The following SLC35F1 variants were observed in gnomAD, a reference collection of about 807,000 sequenced individuals.
SLC35F1 encodes chromosome 6 open reading frame 169.
SLC35F1 carries 14 observed loss-of-function variants against 48.7 expected under a neutral mutation model. The ratio of observed to expected loss-of-function variants is 0.29; its 90% CI spans 0.19 to 0.45. The LOEUF is 0.45. Among genes scored for constraint, SLC35F1 ranks in the 20% least tolerant of loss-of-function variants. The probability of loss-of-function intolerance (pLI) is 1.00; values close to 1 mark genes in which losing one functional copy is unlikely to be tolerated. For synonymous variants in SLC35F1, 190 were observed against 202.2 expected (o/e 0.94, Z 0.51); for missense variants, 404 against 500.0 (o/e 0.81, Z 1.83).
intron 4 of SLC35F1, among the ~76,000 whole-genome samples, chr6:118,270,578 G>A (rs953810264): frequency 6.6e-6 from 1 of 152,132 alleles, no homozygotes; most frequent in Non-Finnish European, 1.5e-5. Context: ...ATGCTTCCAC[G>A]CCTTTGAGCT....
At position 118,243,525 on chromosome 6, in the gene SLC35F1, C is replaced by G. The variant is rs541457438; in HGVS notation, c.477+7889C>G. On this transcript the variant is annotated intron_variant, in intron 3 of 7. Transcript: ENST00000360388. ...CTGAGCCCTGCTATGAGGCAACCGA[C>G]AGCTACGTTAACACTTAGAATACAA... 3.3e-5 allele frequency among the ~76,000 whole-genome samples: 5 copies of G among 152,304 alleles called. No homozygotes were observed. The South Asian group carries it at 8.3e-4, about 25-fold the overall frequency.
intron 1 of SLC35F1, among the ~76,000 whole-genome samples, chr6:117,941,274 AG>A (rs1230277463): frequency 6.6e-6 from 1 of 152,200 alleles, no homozygotes; most frequent in Non-Finnish European, 1.5e-5. Flanking sequence ...AATTATTTTT[AG>A]TTTTTTTGGG....
rs1776407843 is a variant in SLC35F1 at position 118,314,403 on chromosome 6, C to A, written c.*151C>A. 3.0e-6 allele frequency: 2 copies of A among 663,872 alleles called. No homozygotes were observed. The highest frequency in any genetic ancestry group is 2.6e-6 in the Non-Finnish European group (1 of 385,132). 41.1% of individuals were successfully genotyped at this position (663,872 alleles called of 1,614,324 possible). A position where few individuals can be genotyped will look rare whatever the true frequency, so the allele number is the denominator to read the frequency against. ...ATCCTCCAAAAGCTTGTGAAAGGAA[C>A]AAGCTCAACATCACTGGAGACACAG... On this transcript the variant is annotated 3_prime_UTR_variant, in exon 8 of 8. Transcript: ENST00000360388.
At chr6:117,980,904 C>G (rs1201354955) in intron 1 of SLC35F1, among the ~76,000 whole-genome samples, 1 of 152,034 alleles carries the variant, frequency 6.6e-6, no homozygotes, top group African/African-American at 2.4e-5. Context: ...CCTGTGGCAA[C>G]AGGGAACCCT....
intron 2 of SLC35F1, among the ~76,000 whole-genome samples, chr6:118,202,625 A>G (rs945182821): frequency 6.6e-6 from 1 of 152,244 alleles, no homozygotes; most frequent in Non-Finnish European, 1.5e-5. Context: ...ACAATGTGCC[A>G]CACATTCTTC....
At chr6:118,238,258 T>C (rs1266913105) in intron 3 of SLC35F1, among the ~76,000 whole-genome samples, 6 of 152,058 alleles carry the variant, frequency 3.9e-5, no homozygotes, top group African/African-American at 1.2e-4. Context: ...GCTTTCAAAT[T>C]ATGAATAACG....
rs865835300 is a variant in SLC35F1, at chr6:118,254,087, C to G, written c.478-12908C>G. Among the ~76,000 whole-genome samples the G allele has an allele frequency of 9.2e-5, 14 of 152,098 alleles. No homozygotes were observed. In the South Asian group the frequency reaches 1.0e-3, roughly 11 times the overall value. ...AAGAACAAAGGGCAGAATTGCCTTC[C>G]CCACCAGGCAAGTCCTTAGGGGAAG... On this transcript the variant is annotated intron_variant, in intron 3 of 7. Transcript: ENST00000360388.
chr6:118,149,795 A>G (rs1206730955), intron 1 of SLC35F1, among the ~76,000 whole-genome samples: 1 of 152,166 alleles, frequency 6.6e-6, no homozygotes, highest in African/African-American at 2.4e-5. Context: ...CTGAAGAAAC[A>G]AGAATAGATT....
chr6:118,079,671 T>C (rs2114317579), intron 1 of SLC35F1, among the ~76,000 whole-genome samples: 1 of 152,306 alleles, frequency 6.6e-6, no homozygotes, highest in African/African-American at 2.4e-5. Context: ...GTACGGACAT[T>C]TTCCTCAGTC....
intron 3 of SLC35F1, among the ~76,000 whole-genome samples, chr6:118,255,594 C>G (rs538211707): frequency 6.6e-6 from 1 of 152,176 alleles, no homozygotes; most frequent in Non-Finnish European, 1.5e-5. Context: ...TCATTTCTTT[C>G]TTTCTTTCTT....
At chr6:118,299,417 G>T (rs1776230699) in intron 7 of SLC35F1, among the ~76,000 whole-genome samples, 1 of 152,128 alleles carries the variant, frequency 6.6e-6, no homozygotes, top group African/African-American at 2.4e-5. Flanking sequence ...CCATGGCTCA[G>T]TTTGGCAGTC....
chr6:118,236,831 A>G (rs1246297188), intron 3 of SLC35F1, among the ~76,000 whole-genome samples: 1 of 152,224 alleles, frequency 6.6e-6, no homozygotes, highest in Non-Finnish European at 1.5e-5. Context: ...AAGAGATACA[A>G]GGCAATAGCC....
intron 1 of SLC35F1, among the ~76,000 whole-genome samples, chr6:117,923,482 G>GTA (rs1229634368): frequency 4.8e-4 from 44 of 91,948 alleles, no homozygotes; most frequent in East Asian, 2.8e-3. Context: ...TGACATACAT[G>GTA]TATATATATA....
chr6:117,913,362 CAT>C (rs1405117039), intron 1 of SLC35F1, among the ~76,000 whole-genome samples: 1 of 152,204 alleles, frequency 6.6e-6, no homozygotes, highest in African/African-American at 2.4e-5. Context: ...GGAATACACA[CAT>C]GTGACGAAAC....
intron 1 of SLC35F1, among the ~76,000 whole-genome samples, chr6:117,924,127 G>A (rs1307310399): frequency 4.4e-5 from 4 of 90,102 alleles, no homozygotes; most frequent in South Asian, 3.4e-4. Flanking sequence ...ACACACATAG[G>A]TACACATGCA....
chr6:117,960,354 T>C (rs1776482378), intron 1 of SLC35F1, among the ~76,000 whole-genome samples: 1 of 151,736 alleles, frequency 6.6e-6, no homozygotes, highest in Non-Finnish European at 1.5e-5. Flanking sequence ...TACAGAAATA[T>C]GCACATCTCA....
chr6:118,113,901 A>G (rs1392345458), intron 1 of SLC35F1, among the ~76,000 whole-genome samples: 1 of 152,202 alleles, frequency 6.6e-6, no homozygotes, highest in Admixed American at 6.5e-5. Context: ...CGAAGCTGTT[A>G]ATATATTTGC....
At chr6:118,159,651 A>G (rs1182358722) in intron 2 of SLC35F1, among the ~76,000 whole-genome samples, 4 of 152,204 alleles carry the variant, frequency 2.6e-5, no homozygotes. Flanking sequence ...AGAGGCGAGG[A>G]CAGACTGGGG....
At chr6:118,198,610 T>C (rs1774832957) in intron 2 of SLC35F1, among the ~76,000 whole-genome samples, 1 of 152,238 alleles carries the variant, frequency 6.6e-6, no homozygotes, top group Non-Finnish European at 1.5e-5. Flanking sequence ...CATTTAAGCA[T>C]ATAGAAGAAT....
Sources: allele counts gnomAD v4.1 joint callset (sites outside exome capture counted in the v4.1 genomes callset), GRCh38; gene constraint gnomAD v4.1.1; transcripts MANE v1.5; gene names NCBI Gene and HGNC (gene_info 2026-07-23, HGNC 2026-07-21).